SPATC1: variants seen among roughly 807,000 people sequenced by gnomAD.
SPATC1 encodes the protein spermatogenesis and centriole associated 1.
In SPATC1, 35 loss-of-function variants were observed where a neutral mutation model predicts 36.5. That is an observed-to-expected ratio of 0.96 (90% CI 0.73 to 1.27). The LOEUF (loss-of-function observed/expected upper bound fraction) is 1.27. Ranked by LOEUF, SPATC1 falls within the 50% of genes most tolerant of loss-of-function variation. The pLI is 0.00. For synonymous variants in SPATC1, 361 were observed against 353.6 expected, an observed-to-expected ratio of 1.02 and a Z score of -0.24; for missense variants, 779 against 796.0, an observed-to-expected ratio of 0.98 and a Z score of 0.26.
At chr8:144,014,061 G>A (rs1163204787) in intron 1 of SPATC1, among the ~76,000 whole-genome samples, 1 of 152,120 alleles carries the variant, frequency 6.6e-6, no homozygotes, top group Non-Finnish European at 1.5e-5. Context: ...GACCAGCCTG[G>A]CCAACATAGT....
intron 1 of SPATC1, among the ~76,000 whole-genome samples, chr8:144,035,844 G>C (rs1326084049): frequency 6.6e-6 from 1 of 152,196 alleles, no homozygotes; most frequent in Non-Finnish European, 1.5e-5. Context: ...CCTCTCCCCA[G>C]TCATCCTGGA....
intron 1 of SPATC1, among the ~76,000 whole-genome samples, chr8:144,018,401 G>A (rs1190823148): frequency 6.6e-6 from 1 of 152,160 alleles, no homozygotes; most frequent in Non-Finnish European, 1.5e-5. Flanking sequence ...GGTGAGGGGA[G>A]TGGACAGGGA....
At position 144,045,865 on chromosome 8, in the gene SPATC1, C is replaced by T. The variant is rs954769800; in HGVS notation, c.1447-762C>T. Among the ~76,000 whole-genome samples the T allele has an allele frequency of 7.9e-5, 12 of 152,254 alleles. No individual in the cohort carries two copies. The highest frequency in any genetic ancestry group is 1.3e-4 in the Admixed American group (2 of 15,294). On this transcript the variant is annotated intron_variant, in intron 4 of 4. Coordinates refer to ENST00000377470, the MANE Select transcript of SPATC1 (RefSeq NM_198572.3). This position sits in a 1 kb window ranked among gnomAD's most constrained non-coding sequence, Gnocchi z 5.2. ...CTGCCCAGGTCACACATCCAGGGGG[C>T]AGCGGCAGGCTGAGTGGGAGGGGCT...
In SPATC1 at chr8:144,020,972, C is replaced by G. The variant is rs1834512551; in HGVS notation, c.211+8246C>G. Among the ~76,000 whole-genome samples the G allele has an allele frequency of 2.2e-5, 3 of 134,722 alleles. No homozygotes were observed. In the Admixed American group the frequency reaches 2.2e-4, roughly 10 times the overall value. The allele number at this position is 134,722 out of a possible 152,430, so 88.4% of individuals were successfully genotyped here. A position where few individuals can be genotyped will look rare whatever the true frequency, so the allele number is the denominator to read the frequency against. The stretch of plus-strand genomic sequence containing the variant: ...CCTCTACCCTCAGTACTTTCCCCCT[C>G]AAGACCCTCTCCCCTCAGGAACCTC... On this transcript the variant is annotated intron_variant, in intron 1 of 4. Transcript: ENST00000377470.
At position 144,016,264 on chromosome 8, in the gene SPATC1, C is replaced by A. The variant is rs1404557353; in HGVS notation, c.211+3538C>A. On this transcript the variant is annotated intron_variant, in intron 1 of 4. Coordinates refer to ENST00000377470, the MANE Select transcript of SPATC1 (RefSeq NM_198572.3). This position sits in a 1 kb window ranked among gnomAD's most constrained non-coding sequence, Gnocchi z 4.5. ...AGAGCAAGACTTCATCTCAAAAAAACAGTGCATGTGTGTGTGAGAGGATAT... is the reference window on the plus strand; with the variant it reads ...AGAGCAAGACTTCATCTCAAAAAAAAAGTGCATGTGTGTGTGAGAGGATAT... Among the ~76,000 whole-genome samples the A allele has an allele frequency of 3.3e-5, 5 of 151,930 alleles. No homozygotes were observed. The highest frequency in any genetic ancestry group is 4.8e-5 in the African/African-American group (2 of 41,382).
Position 144,046,997 on chromosome 8 carries a change from C to T in SPATC1, c.*41C>T. On this transcript the variant is annotated 3_prime_UTR_variant, in exon 5 of 5. Transcript: ENST00000377470. The surrounding 1 kb of genome is among the most constrained non-coding windows in gnomAD (Gnocchi z 6.6). ...GTCCAGGCTCGCTCAGCCCCACAGC[C>T]CTGTGCACGGCCATTAAAGCTTCCC... 6.4e-7 allele frequency: 1 copy of T among 1,565,226 alleles called. No individual in the cohort carries two copies. The highest frequency in any genetic ancestry group is 8.6e-7 in the Non-Finnish European group (1 of 1,161,168).
intron 1 of SPATC1, among the ~76,000 whole-genome samples, chr8:144,026,997 T>TC (rs1299632311): frequency 1.4e-5 from 2 of 144,578 alleles, no homozygotes; most frequent in Non-Finnish European, 1.5e-5. Context: ...CTTTTTTTTT[T>TC]TTTTTTTTGG....
chr8:144,031,104 C>T (rs1214226518), intron 1 of SPATC1, among the ~76,000 whole-genome samples: 1 of 152,030 alleles, frequency 6.6e-6, no homozygotes, highest in East Asian at 1.9e-4. Flanking sequence ...ATGTAGTTAC[C>T]TCCATTGGTG....
chr8:144,041,595 G>T (rs988806666), intron 4 of SPATC1, among the ~76,000 whole-genome samples: 3 of 152,220 alleles, frequency 2.0e-5, no homozygotes, highest in Non-Finnish European at 4.4e-5. Context: ...AGCATGGTCG[G>T]GCGGCTCTCC....
chr8:144,040,534 C>G (rs782812609), intron 2 of SPATC1, 34 bp from the exon 3 acceptor site: 6 of 1,563,272 alleles, frequency 3.8e-6, no homozygotes, highest in Admixed American at 1.9e-5. Context: ...CTCTAATCCC[C>G]CTTTTTTTAT....
upstream of SPATC1, among the ~76,000 whole-genome samples, chr8:144,011,952 G>C (rs1487136077): frequency 6.6e-6 from 1 of 152,172 alleles, no homozygotes; most frequent in Non-Finnish European, 1.5e-5. This position sits in a 1 kb window ranked among gnomAD's most constrained non-coding sequence, Gnocchi z 4.5. Context: ...GCATGTTCAA[G>C]ATCACCAAGA....
chr8:144,025,304 C>T (rs1455261556), intron 1 of SPATC1, among the ~76,000 whole-genome samples: 2 of 152,232 alleles, frequency 1.3e-5, no homozygotes, highest in East Asian at 3.8e-4. Flanking sequence ...ATCTTAGCCT[C>T]TCAACGTGCT....
chr8:144,015,599 G>A (rs762717812), intron 1 of SPATC1, among the ~76,000 whole-genome samples: 280 of 150,864 alleles, frequency 1.9e-3, no homozygotes, highest in Admixed American at 5.9e-3. Flanking sequence ...AAAATCAGCC[G>A]GGTGTGGTGG....
chr8:144,019,560 GGGCGTCCTGCTC>G (rs2133103122), intron 1 of SPATC1, among the ~76,000 whole-genome samples: 1 of 152,320 alleles, frequency 6.6e-6, no homozygotes, highest in South Asian at 2.1e-4. Flanking sequence ...GCAGACTGCG[GGGCGTCCTGCTC>G]CTGAGGGCTC....
Position 144,016,963 on chromosome 8 carries a change from AT to A in SPATC1, c.211+4238del. On this transcript the variant is annotated intron_variant, in intron 1 of 4. Transcript: ENST00000377470. This position sits in a 1 kb window ranked among gnomAD's most constrained non-coding sequence, Gnocchi z 4.5. The stretch of plus-strand genomic sequence containing the variant: ...TGACACTGGTGGTTTGTAACAGAGA[AT>A]AATCATGTTTGTGCTTCAGAAACGT... 6.6e-6 allele frequency among the ~76,000 whole-genome samples: 1 copy of A among 152,294 alleles called. No homozygotes were observed. The highest frequency in any genetic ancestry group is 1.5e-5 in the Non-Finnish European group (1 of 68,026).
chr8:144,028,966 A>C (rs946484341), intron 1 of SPATC1, among the ~76,000 whole-genome samples: 2 of 152,038 alleles, frequency 1.3e-5, no homozygotes, highest in Non-Finnish European at 2.9e-5. Flanking sequence ...AAAGCCAAAC[A>C]CTGCATGTTC....
chr8:144,041,246 G>A lies in SPATC1; in HGVS notation c.1321G>A (p.Ala441Thr). ...PENPRESKQL[A>T]WERLVGEIAF... is the part of the protein sequence containing the mutation. ...TGTGTCCCCAGAGTCGAAGCAGCTG[G>A]CCTGGGAGAGGCTGGTGGGTGAGAT... The change falls in exon 4 of 5, where the codon GCC becomes ACC. Residue 441 changes from alanine (A) to threonine (T), a missense_variant. Transcript: ENST00000377470. The A allele has an allele frequency of 6.2e-7, 1 of 1,613,356 alleles. No homozygotes were observed. The highest frequency in any genetic ancestry group is 2.2e-5 in the East Asian group (1 of 44,866).
intron 1 of SPATC1, among the ~76,000 whole-genome samples, chr8:144,034,849 C>A (rs1184596648): frequency 5.3e-5 from 8 of 152,170 alleles, no homozygotes; most frequent in African/African-American, 1.9e-4. Context: ...TCTCAATCTC[C>A]TGACCTCGTG....
At position 144,046,221 on chromosome 8, in the gene SPATC1, C is replaced by T. The variant is rs1303073523; in HGVS notation, c.1447-406C>T. Among the ~76,000 whole-genome samples the T allele has an allele frequency of 6.6e-6, 1 of 152,110 alleles. No individual in the cohort carries two copies. Among genetic ancestry groups the T allele is most frequent in the African/African-American group, 2.4e-5 (1 of 41,402 alleles). On this transcript the variant is annotated intron_variant, in intron 4 of 4. Transcript: ENST00000377470. The surrounding 1 kb of genome is among the most constrained non-coding windows in gnomAD (Gnocchi z 6.6). Reference sequence around the variant, plus strand: ...GCAGAGCACGGAGCCAGGAGGAGGCCTGGGAAAGACCCCAGACTCCTGGGT... The same window carrying T: ...GCAGAGCACGGAGCCAGGAGGAGGCTTGGGAAAGACCCCAGACTCCTGGGT...
Sources: allele counts gnomAD v4.1 joint callset (sites outside exome capture counted in the v4.1 genomes callset), GRCh38; gene constraint gnomAD v4.1.1; non-coding constraint Gnocchi (gnomAD v3.1); transcripts MANE v1.5; gene names NCBI Gene and HGNC (gene_info 2026-07-23, HGNC 2026-07-21).